Variants in CWC22 observed in about 807,000 individuals in gnomAD.
The protein encoded by CWC22 is CWC22 spliceosome associated protein, also known as pre-mRNA-splicing factor CWC22 homolog.
CWC22 carries 53 observed loss-of-function variants against 117.2 expected under a neutral mutation model. That is an observed-to-expected ratio of 0.45 (90% CI 0.36 to 0.57). CWC22 has a LOEUF of 0.57. Ranked by LOEUF, CWC22 falls within the 20% of genes least tolerant of loss-of-function variation. The pLI, the probability that CWC22 is intolerant of heterozygous loss-of-function variation, is 0.00. For synonymous variants in CWC22, 360 were observed against 355.6 expected (o/e 1.01, Z -0.14); for missense variants, 980 against 1,068.8 (o/e 0.92, Z 1.16).
At chr2:179,951,950 A>G (rs190678382) in intron 17 of CWC22, among the ~76,000 whole-genome samples, 106 of 152,216 alleles carry the variant, frequency 7.0e-4, no homozygotes, top group African/African-American at 2.4e-3. Flanking sequence ...TCACTGAGAA[A>G]TCTGAAAGGA....
At chr2:179,989,330 T>A (rs1343528452) in intron 2 of CWC22, among the ~76,000 whole-genome samples, 3 of 152,012 alleles carry the variant, frequency 2.0e-5, no homozygotes, top group Non-Finnish European at 4.4e-5. Context: ...TGATCACGGC[T>A]CACTGCAGAC....
chr2:179,961,592 CTT>C (rs759101752), intron 13 of CWC22, among the ~76,000 whole-genome samples: 4 of 151,934 alleles, frequency 2.6e-5, no homozygotes, highest in Non-Finnish European at 4.4e-5. Flanking sequence ...TTTTCCAGCT[CTT>C]TTAAAAAACG....
intron 1 of CWC22, among the ~76,000 whole-genome samples, chr2:179,995,455 C>T (rs767674895): frequency 5.9e-5 from 9 of 151,988 alleles, no homozygotes; most frequent in Non-Finnish European, 8.8e-5. Flanking sequence ...GTTTCAAAGG[C>T]GAAAGAGAGG....
rs1205979297 is a variant in CWC22, at chr2:179,993,393, A to C, written c.-52T>G. The C allele has an allele frequency of 7.5e-7, 1 of 1,333,864 alleles. No individual in the cohort carries two copies. Among genetic ancestry groups the C allele is most frequent in the African/African-American group, 1.4e-5 (1 of 69,062 alleles). The allele number at this position is 1,333,864 out of a possible 1,614,324, so 82.6% of individuals were successfully genotyped here. ...TCAAAGATGCTTCAAACTGGTCCAA[A>C]TAACAAGTACCCAATGCTCTGAATT... On this transcript the variant is annotated 5_prime_UTR_variant, in exon 2 of 20. Coordinates refer to ENST00000410053, the MANE Select transcript of CWC22 (RefSeq NM_020943.3).
At chr2:179,959,126 T>C (rs1460259388) in intron 13 of CWC22, 44 bp from the exon 14 acceptor site, 2 of 1,120,202 alleles carry the variant, frequency 1.8e-6, no homozygotes, top group African/African-American at 1.6e-5. Context: ...CAACATAGAC[T>C]GTACACTCTT....
At chr2:180,001,773 G>A (rs1687855454) in intron 1 of CWC22, among the ~76,000 whole-genome samples, 1 of 152,178 alleles carries the variant, frequency 6.6e-6, no homozygotes, top group Admixed American at 6.5e-5. Context: ...ATGGGACATT[G>A]CTCTAGCATT....
intron 15 of CWC22, among the ~76,000 whole-genome samples, chr2:179,954,729 T>C (rs556727825): frequency 2.6e-5 from 4 of 152,082 alleles, no homozygotes; most frequent in Non-Finnish European, 5.9e-5. Flanking sequence ...TTACAAATCA[T>C]GGAAAATTCC....
intron 6 of CWC22, among the ~76,000 whole-genome samples, chr2:179,976,056 C>G (rs1262382285): frequency 1.3e-5 from 2 of 152,132 alleles, no homozygotes; most frequent in Non-Finnish European, 2.9e-5. Context: ...TAAAAACAGA[C>G]ACATAGAGCT....
At position 179,970,930 on chromosome 2, in the gene CWC22, T is replaced by TA. The variant is rs1286469096; in HGVS notation, c.940+10_940+11insT. On this transcript the variant is annotated intron_variant, in intron 9 of 19. Transcript: ENST00000410053. ...TAAAAACTTAACATCAAACTATGAATGTACACTTACCATTGATTCCTCTTG... is the reference window on the plus strand; with the variant it reads ...TAAAAACTTAACATCAAACTATGAATAGTACACTTACCATTGATTCCTCTTG... 5.0e-6 allele frequency: 8 copies of TA among 1,611,772 alleles called. No individual in the cohort carries two copies. Among genetic ancestry groups the TA allele is most frequent in the Non-Finnish European group, 6.8e-6 (8 of 1,178,790 alleles).
intron 1 of CWC22, among the ~76,000 whole-genome samples, chr2:180,000,751 T>G (rs998150842): frequency 1.3e-5 from 2 of 152,020 alleles, no homozygotes; most frequent in South Asian, 2.1e-4. Flanking sequence ...TTGACTGGTC[T>G]GCAACTCTGT....
chr2:179,968,912 T>C lies in CWC22; in HGVS notation c.1210+1589A>G, dbSNP rs532156235. Reference sequence around the variant, plus strand: ...AAAATATGTAATTTATGTTAACATATACTAGGTTTGCTATTATTCTGAAAT... The same window carrying C: ...AAAATATGTAATTTATGTTAACATACACTAGGTTTGCTATTATTCTGAAAT... On this transcript the variant is annotated intron_variant, in intron 11 of 19. Coordinates refer to ENST00000410053, the MANE Select transcript of CWC22 (RefSeq NM_020943.3). Among the ~76,000 whole-genome samples the C allele has an allele frequency of 5.3e-5, 8 of 152,070 alleles. No individual in the cohort carries two copies. In the East Asian group the frequency reaches 1.5e-3, roughly 29 times the overall value.
At chr2:179,958,716 C>T (rs1009821288) in intron 14 of CWC22, among the ~76,000 whole-genome samples, 1 of 152,086 alleles carries the variant, frequency 6.6e-6, no homozygotes, top group African/African-American at 2.4e-5. Flanking sequence ...GAACAAATTT[C>T]CTACTATATT....
intron 8 of CWC22, 140 bp from the exon 9 acceptor site, chr2:179,971,216 G>T: frequency 1.9e-6 from 1 of 533,424 alleles, no homozygotes; most frequent in Non-Finnish European, 3.1e-6. Context: ...TAAAGCACAT[G>T]GAAATACTCC....
intron 14 of CWC22, among the ~76,000 whole-genome samples, chr2:179,955,238 C>T (rs977233144): frequency 5.3e-5 from 8 of 151,932 alleles, no homozygotes; most frequent in Admixed American, 1.3e-4. Flanking sequence ...CTTCCACAGT[C>T]ATTTATGCTA....
At chr2:179,974,742 C>T (rs987792936) in intron 6 of CWC22, among the ~76,000 whole-genome samples, 1 of 152,072 alleles carries the variant, frequency 6.6e-6, no homozygotes, top group Non-Finnish European at 1.5e-5. Flanking sequence ...CTACTTTATA[C>T]CCCCACCTTT....
At chr2:179,990,525 AGAGT>A (rs1222035297) in intron 2 of CWC22, among the ~76,000 whole-genome samples, 3 of 127,278 alleles carry the variant, frequency 2.4e-5, no homozygotes, top group Admixed American at 8.6e-5. Context: ...CCCCAGAATG[AGAGT>A]GAGTGAGTGA....
chr2:179,981,726 T>C (rs765947299), intron 5 of CWC22, 26 bp downstream of exon 5: 35 of 1,584,840 alleles, frequency 2.2e-5, no homozygotes, highest in Admixed American at 3.3e-5. Context: ...TTTCATGGCT[T>C]TGTATACTGA....
At position 179,947,424 on chromosome 2, in the gene CWC22, G is replaced by A. The variant is rs879814125; in HGVS notation, c.2141-1709C>T. 3.3e-5 allele frequency among the ~76,000 whole-genome samples: 5 copies of A among 152,266 alleles called. No homozygotes were observed. The East Asian group carries it at 7.7e-4, about 23-fold the overall frequency. ...TGTAACAAGAGGCAATCTCTTCTCC[G>A]TTTGCTATGTTTGCATTATAATTTC... On this transcript the variant is annotated intron_variant, in intron 19 of 19. Coordinates refer to ENST00000410053, the MANE Select transcript of CWC22 (RefSeq NM_020943.3).
chr2:179,986,258 T>C (rs1687417016), intron 4 of CWC22, among the ~76,000 whole-genome samples: 1 of 152,166 alleles, frequency 6.6e-6, no homozygotes, highest in Admixed American at 6.5e-5. Context: ...AACTTAAGTC[T>C]CAATGTCCCT....
Sources: gnomAD v4.1 joint callset for allele counts (sites outside exome capture counted in the v4.1 genomes callset) on GRCh38, gnomAD v4.1.1 for gene constraint, MANE v1.5 for transcripts, NCBI Gene and HGNC (gene_info 2026-07-23, HGNC 2026-07-21) for gene names.